Variants in KCNJ6 observed in about 807,000 individuals in gnomAD.
KCNJ6 encodes potassium inwardly rectifying channel subfamily J member 6, also known as G protein-activated inward rectifier potassium channel 2.
A neutral mutation model predicts 34.2 loss-of-function variants in KCNJ6; 9 were observed. The observed-to-expected ratio is 0.26, with a 90% CI of 0.16 to 0.46. The LOEUF (loss-of-function observed/expected upper bound fraction) is 0.46. KCNJ6 is among the 20% of genes least tolerant of loss of function. The pLI is 1.00. For missense variants in KCNJ6, 236 were observed against 531.3 expected (o/e 0.44, Z 5.46); for synonymous variants, 196 against 207.1 (o/e 0.95, Z 0.46).
At chr21:37,667,555 G>A (rs569418742) in intron 3 of KCNJ6, among the ~76,000 whole-genome samples, 1 of 151,762 alleles carries the variant, frequency 6.6e-6, no homozygotes, top group Non-Finnish European at 1.5e-5. Context: ...GCGGGCGCCG[G>A]GGTAGCAGGC....
intron 3 of KCNJ6, among the ~76,000 whole-genome samples, chr21:37,679,408 C>T (rs1389890793): frequency 6.6e-6 from 1 of 152,196 alleles, no homozygotes; most frequent in African/African-American, 2.4e-5. Flanking sequence ...TTTCCTTACT[C>T]ATATAATTAG....
intron 3 of KCNJ6, among the ~76,000 whole-genome samples, chr21:37,653,877 C>A (rs1368714163): frequency 6.6e-6 from 1 of 152,166 alleles, no homozygotes; most frequent in Non-Finnish European, 1.5e-5. Context: ...TTAGTTAGGG[C>A]AACCTCTAGA....
At position 37,614,632 on chromosome 21, in the gene KCNJ6, C is replaced by A. The variant is rs555315829; in HGVS notation, c.*10527G>T. The A allele has an allele frequency of 5.0e-5, 6 of 118,918 alleles. No individual in the cohort carries two copies. Among genetic ancestry groups the A allele is most frequent in the African/African-American group, 1.7e-4 (5 of 29,952 alleles). The allele number at this position is 118,918 out of a possible 1,614,324, so 7.4% of individuals were successfully genotyped here. A position where few individuals can be genotyped will look rare whatever the true frequency, so the allele number is the denominator to read the frequency against. On this transcript the variant is annotated 3_prime_UTR_variant, in exon 4 of 4. Coordinates refer to ENST00000609713, the MANE Select transcript of KCNJ6 (RefSeq NM_002240.5). ...TGTATGCGTGTGTGTATGCATATGT[C>A]TGTGTGTGTATGCACGTGTGTGTAT...
Position 37,837,330 on chromosome 21 carries a change from T to A in KCNJ6, c.25+3328A>T, listed in dbSNP as rs555595229. 2.0e-5 allele frequency among the ~76,000 whole-genome samples: 3 copies of A among 152,314 alleles called. No individual in the cohort carries two copies. The East Asian group carries it at 5.8e-4, about 29-fold the overall frequency. ...AAGTCGTCAGAAAAATAAAGGTGGT[T>A]TTATTCAAACATTTAAAATTTGCTA... On this transcript the variant is annotated intron_variant, in intron 2 of 3. Coordinates refer to ENST00000609713, the MANE Select transcript of KCNJ6 (RefSeq NM_002240.5).
intron 3 of KCNJ6, among the ~76,000 whole-genome samples, chr21:37,686,786 G>A (rs1046924614): frequency 6.6e-5 from 10 of 151,932 alleles, no homozygotes; most frequent in Non-Finnish European, 1.0e-4. Context: ...AGTCTTAATC[G>A]GGACACGGGT....
chr21:37,642,563 G>A (rs2054385783), intron 3 of KCNJ6, among the ~76,000 whole-genome samples: 1 of 152,196 alleles, frequency 6.6e-6, no homozygotes, highest in Non-Finnish European at 1.5e-5. Context: ...GAGGAGGTGG[G>A]AAGTCAATAT....
At chr21:37,665,053 C>T (rs1000033927) in intron 3 of KCNJ6, among the ~76,000 whole-genome samples, 9 of 152,098 alleles carry the variant, frequency 5.9e-5, no homozygotes, top group Admixed American at 3.9e-4. Flanking sequence ...GCCTCAGCCT[C>T]CCAAAGTGCT....
At chr21:37,877,203 G>A (rs1283154110) in intron 1 of KCNJ6, among the ~76,000 whole-genome samples, 1 of 152,102 alleles carries the variant, frequency 6.6e-6, no homozygotes, top group East Asian at 1.9e-4. Context: ...TAATCACAGT[G>A]ATAAAATAAA....
chr21:37,759,892 C>T (rs1289670845), intron 2 of KCNJ6, among the ~76,000 whole-genome samples: 6 of 152,132 alleles, frequency 3.9e-5, no homozygotes, highest in African/African-American at 9.7e-5. Context: ...GGCTGGGTCA[C>T]GAAAGGACAG....
intron 3 of KCNJ6, among the ~76,000 whole-genome samples, chr21:37,690,539 C>T (rs2054634908): frequency 6.6e-6 from 1 of 152,104 alleles, no homozygotes; most frequent in Admixed American, 6.5e-5. Context: ...TCTTAGGAAA[C>T]CTCAGGATTT....
chr21:37,702,799 G>A (rs774175666), intron 3 of KCNJ6, among the ~76,000 whole-genome samples: 31 of 152,178 alleles, frequency 2.0e-4, no homozygotes, highest in Non-Finnish European at 4.3e-4. Flanking sequence ...CACTCTTATT[G>A]AGGTAGGAGG....
intron 2 of KCNJ6, among the ~76,000 whole-genome samples, chr21:37,783,232 G>C (rs956220637): frequency 2.0e-5 from 3 of 152,194 alleles, no homozygotes; most frequent in African/African-American, 7.2e-5. Context: ...CCACGGATGA[G>C]GGCGTGCATC....
At chr21:37,761,821 G>A (rs3787828) in intron 2 of KCNJ6, among the ~76,000 whole-genome samples, 51 of 152,098 alleles carry the variant, frequency 3.4e-4, no homozygotes, top group East Asian at 3.3e-3. Flanking sequence ...GTTGTGTGTC[G>A]TGTGGTGTCT....
intron 2 of KCNJ6, among the ~76,000 whole-genome samples, chr21:37,739,971 G>A (rs1453461847): frequency 6.6e-6 from 1 of 151,378 alleles, no homozygotes; most frequent in Non-Finnish European, 1.5e-5. Context: ...CATGGTCCCA[G>A]CTTTGAAGCA....
intron 1 of KCNJ6, among the ~76,000 whole-genome samples, chr21:37,852,231 A>C (rs966609479): frequency 6.6e-6 from 1 of 152,210 alleles, no homozygotes; most frequent in African/African-American, 2.4e-5. Context: ...TTCTTGCTAA[A>C]GGACAGTGAG....
chr21:37,788,196 T>A (rs2835959), intron 2 of KCNJ6, among the ~76,000 whole-genome samples: 87,820 of 152,050 alleles, frequency 0.58, 27,493 homozygotes, highest in African/African-American at 0.83. Context: ...TTAGACAAAT[T>A]ATATTCTTCA....
Position 37,916,214 on chromosome 21 carries a change from G to A in KCNJ6, c.-358C>T, listed in dbSNP as rs1175503983. 5.9e-5 allele frequency: 9 copies of A among 152,118 alleles called. No individual in the cohort carries two copies. The highest frequency in any genetic ancestry group is 1.3e-4 in the Non-Finnish European group (9 of 68,064). 9.4% of individuals were successfully genotyped at this position (152,118 alleles called of 1,614,324 possible). ...AGCGCGGAGAGCAGGGCTGGGCGCT[G>A]GGGCCAAGGGAGGGGCGGAGGGGCG... On this transcript the variant is annotated 5_prime_UTR_variant, in exon 1 of 4. Transcript: ENST00000609713.
rs1289028415 is a variant in KCNJ6 at position 37,612,059 on chromosome 21, G to A, written c.*13100C>T. The A allele has an allele frequency of 6.6e-6, 1 of 152,140 alleles. No individual in the cohort carries two copies. Among genetic ancestry groups the A allele is most frequent in the Non-Finnish European group, 1.5e-5 (1 of 68,012 alleles). The allele number at this position is 152,140 out of a possible 1,614,324, so 9.4% of individuals were successfully genotyped here. A position where few individuals can be genotyped will look rare whatever the true frequency, so the allele number is the denominator to read the frequency against. ...AAATAAAACTTTGTCTTTGTTTACA[G>A]ATGACATGATCATCTATGTAGAAAA... On this transcript the variant is annotated 3_prime_UTR_variant, in exon 4 of 4. Coordinates refer to ENST00000609713, the MANE Select transcript of KCNJ6 (RefSeq NM_002240.5).
chr21:37,898,771 A>G (rs1282887972), intron 1 of KCNJ6, among the ~76,000 whole-genome samples: 1 of 152,156 alleles, frequency 6.6e-6, no homozygotes, highest in Non-Finnish European at 1.5e-5. Context: ...GGTAATATCA[A>G]AGCACTGGAT....
Sources: gnomAD v4.1 joint callset for allele counts (sites outside exome capture counted in the v4.1 genomes callset) on GRCh38, gnomAD v4.1.1 for gene constraint, MANE v1.5 for transcripts, NCBI Gene and HGNC (gene_info 2026-07-23, HGNC 2026-07-21) for gene names.